The following APBB2 variants were observed in gnomAD, a reference collection of about 807,000 sequenced individuals.
The protein encoded by APBB2 is Fe65-like 1.
Under a neutral mutation model 82.5 loss-of-function variants are expected in APBB2, and 38 were observed. The observed-to-expected ratio is 0.46, with a 90% CI of 0.36 to 0.60. The LOEUF is 0.60. APBB2 is among the 20% of genes least tolerant of loss of function. The pLI is 0.00. For synonymous variants in APBB2, 341 were observed against 368.2 expected, an observed-to-expected ratio of 0.93 and a Z score of 0.85; for missense variants, 772 against 972.3, an observed-to-expected ratio of 0.79 and a Z score of 2.74.
Position 40,893,412 on chromosome 4 carries a change from C to T in APBB2, c.1255-1G>A. 6.2e-7 allele frequency: 1 copy of T among 1,607,052 alleles called. No homozygotes were observed. Among genetic ancestry groups the T allele is most frequent in the Non-Finnish European group, 8.5e-7 (1 of 1,175,920 alleles). ...ATCCCAGAGAACGCACAGCAAAACA[C>T]TGGAAGACAGTGAAAGAGGACAAGA... is the stretch of plus-strand genomic sequence containing the variant. On this transcript the variant is annotated splice_acceptor_variant, in intron 10 of 17. Coordinates refer to ENST00000508593, the MANE Select transcript of APBB2 (RefSeq NM_004307.2). LOFTEE classifies it high-confidence loss of function.
At chr4:41,141,777 G>A (rs750156843) in intron 2 of APBB2, among the ~76,000 whole-genome samples, 7 of 152,216 alleles carry the variant, frequency 4.6e-5, no homozygotes, top group Non-Finnish European at 1.0e-4. Flanking sequence ...GACAGAGCTT[G>A]CGCAGAGAAA....
At chr4:40,850,427 G>C (rs1005804344) in intron 12 of APBB2, among the ~76,000 whole-genome samples, 25 of 152,296 alleles carry the variant, frequency 1.6e-4, no homozygotes, top group African/African-American at 6.0e-4. Flanking sequence ...CTCTTTGGGG[G>C]CTAATTTTCA....
intron 1 of APBB2, among the ~76,000 whole-genome samples, chr4:41,199,232 C>A (rs1776097108): frequency 6.6e-6 from 1 of 152,150 alleles, no homozygotes; most frequent in South Asian, 2.1e-4. Flanking sequence ...TAACTCGAGT[C>A]TCTTTAACCA....
chr4:40,861,060 TA>T (rs1161830809), intron 12 of APBB2, among the ~76,000 whole-genome samples: 1 of 152,206 alleles, frequency 6.6e-6, no homozygotes, highest in Admixed American at 6.5e-5. Context: ...CAAAAAATTT[TA>T]AACATTAGGC....
In APBB2 at chr4:41,120,833, C is replaced by T. The variant is rs115264523; in HGVS notation, c.-260-20083G>A. Among the ~76,000 whole-genome samples the T allele has an allele frequency of 1.0e-3, 156 of 152,278 alleles. 1 individual carries two copies. Among genetic ancestry groups the T allele is most frequent in the African/African-American group, 3.7e-3 (153 of 41,532 alleles). Reference sequence around the variant, plus strand: ...TTAGTAGAACCTTTGATTCTCAGAACCTAAATCAAGTGAAAAGTCAAATAT... The same window carrying T: ...TTAGTAGAACCTTTGATTCTCAGAATCTAAATCAAGTGAAAAGTCAAATAT... On this transcript the variant is annotated intron_variant, in intron 2 of 17. Coordinates refer to ENST00000508593, the MANE Select transcript of APBB2 (RefSeq NM_004307.2).
chr4:40,872,499 C>T (rs4861322), intron 12 of APBB2, among the ~76,000 whole-genome samples: 61,738 of 151,942 alleles, frequency 0.41, 13,497 homozygotes, highest in African/African-American at 0.57. Flanking sequence ...TTCCTCTTAG[C>T]ACATCCCATG....
intron 6 of APBB2, among the ~76,000 whole-genome samples, chr4:40,959,549 T>C (rs1235770833): frequency 6.6e-6 from 1 of 152,200 alleles, no homozygotes; most frequent in Non-Finnish European, 1.5e-5. Flanking sequence ...CAGGACTTGA[T>C]TTCCCACTTA....
intron 2 of APBB2, among the ~76,000 whole-genome samples, chr4:41,114,228 G>T (rs1039257746): frequency 6.6e-6 from 1 of 152,128 alleles, no homozygotes; most frequent in Non-Finnish European, 1.5e-5. Context: ...AAAACCACAT[G>T]ATTATCTCAA....
At chr4:40,982,257 AGAAAGAAAGAAAGAAAGAAAGAAAGAAG>A (rs1798798054) in intron 6 of APBB2, among the ~76,000 whole-genome samples, 1 of 19,388 alleles carries the variant, frequency 5.2e-5, no homozygotes. Context: ...AAAGAAAGAA[AGAAAGAAAGAAAGAAAGAAAGAAAGAAG>A]GAAGGAAGGA....
chr4:41,101,375 A>G (rs980202985), intron 2 of APBB2, among the ~76,000 whole-genome samples: 8 of 145,766 alleles, frequency 5.5e-5, no homozygotes, highest in Non-Finnish European at 1.2e-4. Flanking sequence ...GAGGCAGGAG[A>G]ATGGCGTGAA....
intron 1 of APBB2, among the ~76,000 whole-genome samples, chr4:41,183,494 A>G (rs1393929789): frequency 6.6e-6 from 1 of 152,200 alleles, no homozygotes; most frequent in Non-Finnish European, 1.5e-5. Context: ...GGTGGGCCCC[A>G]ATTCCAATAT....
chr4:40,855,282 G>T (rs762329872), intron 12 of APBB2, among the ~76,000 whole-genome samples: 3 of 152,242 alleles, frequency 2.0e-5, no homozygotes, highest in Admixed American at 6.5e-5. Context: ...GACACCTGTT[G>T]TATTTATTAT....
chr4:41,195,427 T>C, intron 1 of APBB2, among the ~76,000 whole-genome samples: 1 of 152,132 alleles, frequency 6.6e-6, no homozygotes. Context: ...TTTGAACAAA[T>C]ATTCAGAATC....
rs116810844 is a variant in APBB2, at chr4:40,965,148, G to C, written c.836-20075C>G. 2.8e-3 allele frequency among the ~76,000 whole-genome samples: 432 copies of C among 151,748 alleles called. 3 individuals are homozygous for C. The highest frequency in any genetic ancestry group is 0.01 in the African/African-American group (415 of 41,374). On this transcript the variant is annotated intron_variant, in intron 6 of 17. Transcript: ENST00000508593. ...AAATTAAAAAAAAAAAAAAATGGTTGACTATGGGTGGAAAAACGTGGCAGC... is the reference window on the plus strand; with the variant it reads ...AAATTAAAAAAAAAAAAAAATGGTTCACTATGGGTGGAAAAACGTGGCAGC...
At chr4:40,833,436 G>A (rs4861318) in intron 12 of APBB2, among the ~76,000 whole-genome samples, 28,874 of 152,094 alleles carry the variant, frequency 0.19, 3,212 homozygotes, top group East Asian at 0.33. Flanking sequence ...ACTGTCCAGC[G>A]CACGCCCATC....
At chr4:40,980,473 C>A (rs1028965840) in intron 6 of APBB2, among the ~76,000 whole-genome samples, 1 of 152,182 alleles carries the variant, frequency 6.6e-6, no homozygotes, top group African/African-American at 2.4e-5. Flanking sequence ...CCACTATGGG[C>A]ATGAGAGAAA....
chr4:40,870,278 C>T (rs1397023367), intron 12 of APBB2, among the ~76,000 whole-genome samples: 1 of 152,178 alleles, frequency 6.6e-6, no homozygotes, highest in African/African-American at 2.4e-5. Context: ...TGAGGGAGGG[C>T]AGAGTGAGGG....
intron 12 of APBB2, among the ~76,000 whole-genome samples, chr4:40,853,106 T>A (rs547858477): frequency 2.6e-5 from 4 of 152,284 alleles, no homozygotes; most frequent in East Asian, 1.9e-4. Flanking sequence ...CCTTCCTGCA[T>A]CTTCTACAGT....
chr4:41,014,419 T>C (rs754200977), intron 5 of APBB2, 21 bp from the exon 6 acceptor site: 10 of 1,603,228 alleles, frequency 6.2e-6, no homozygotes, highest in Non-Finnish European at 8.5e-6. Flanking sequence ...AAAAAGTCAT[T>C]AGACACCTGC....
Sources: allele counts gnomAD v4.1 joint callset (sites outside exome capture counted in the v4.1 genomes callset), GRCh38; gene constraint gnomAD v4.1.1; transcripts MANE v1.5; gene names NCBI Gene and HGNC (gene_info 2026-07-23, HGNC 2026-07-21).